Variants in SHLD2 observed in about 807,000 individuals in gnomAD.
SHLD2 encodes the protein RINN1-REV7-interacting novel NHEJ regulator 2.
SHLD2 carries 30 observed loss-of-function variants against 73.2 expected under a neutral mutation model. The ratio of observed to expected loss-of-function variants is 0.41; its 90% confidence interval spans 0.31 to 0.56. The LOEUF is 0.56. SHLD2 is among the 20% of genes least tolerant of loss of function. SHLD2 has a pLI of 0.28. For synonymous variants in SHLD2, 285 were observed against 370.1 expected (o/e 0.77, Z 2.64); for missense variants, 745 against 1,055.9 (o/e 0.71, Z 4.08).
intron 2 of SHLD2, among the ~76,000 whole-genome samples, chr10:87,110,003 C>G (rs1842823495): frequency 6.6e-6 from 1 of 152,136 alleles, no homozygotes; most frequent in Non-Finnish European, 1.5e-5. Flanking sequence ...AATATTAAAT[C>G]TTGGCTGGGT....
At chr10:87,100,939 G>A (rs1220873545) in intron 2 of SHLD2, among the ~76,000 whole-genome samples, 1 of 152,142 alleles carries the variant, frequency 6.6e-6, no homozygotes, top group Non-Finnish European at 1.5e-5. Flanking sequence ...TGTTGAATCT[G>A]TAGATCAATT....
chr10:87,129,935 G>A (rs1192676650), intron 2 of SHLD2, among the ~76,000 whole-genome samples: 1 of 152,108 alleles, frequency 6.6e-6, no homozygotes, highest in Non-Finnish European at 1.5e-5. Flanking sequence ...GGACACTAAT[G>A]ATGGGGTATA....
At position 87,152,293 on chromosome 10, in the gene SHLD2, T is replaced by TG. The variant is rs1230818331; in HGVS notation, c.939_940insG (p.Ser314GlufsTer6). 6.7e-7 allele frequency: 1 copy of TG among 1,489,562 alleles called. No individual in the cohort carries two copies. The highest frequency in any genetic ancestry group is 9.2e-7 in the Non-Finnish European group (1 of 1,091,670). 92.3% of individuals were successfully genotyped at this position (1,489,562 alleles called of 1,614,324 possible). On this transcript the variant is annotated frameshift_variant, in exon 3 of 10. Coordinates refer to ENST00000298786, the MANE Select transcript of SHLD2 (RefSeq NM_001330112.2). LOFTEE classifies it high-confidence loss of function. Reference sequence around the variant, plus strand: ...ACCAAGCATATTCCCTTGAACTTTTTAGTCCTGTTTGTCCTAAAACAGAAA... The same window carrying TG: ...ACCAAGCATATTCCCTTGAACTTTTTGAGTCCTGTTTGTCCTAAAACAGAAA...
intron 2 of SHLD2, among the ~76,000 whole-genome samples, chr10:87,124,746 G>GTTTT (rs201784628): frequency 3.9e-5 from 5 of 129,496 alleles, no homozygotes; most frequent in South Asian, 2.5e-4. Context: ...TAAAAAAATT[G>GTTTT]TTTTTTTTTT....
At chr10:87,121,868 G>A (rs1218625436) in intron 2 of SHLD2, among the ~76,000 whole-genome samples, 2 of 150,806 alleles carry the variant, frequency 1.3e-5, no homozygotes, top group South Asian at 2.1e-4. Context: ...AGGTTCAAGC[G>A]ATTCTTCCAC....
At position 87,151,846 on chromosome 10, in the gene SHLD2, C is replaced by T; in HGVS notation, c.492C>T (p.Asn164=). The part of the protein sequence containing the change: ...HQPDICGKNF[N]TNLFQLGHKC... ...CAGATATATGTGGTAAGAACTTTAA[C>T]ACAAATTTGTTTCAGTTGGGCCATA... is the stretch of plus-strand genomic sequence containing the variant. The change falls in exon 3 of 10, where the codon AAC becomes AAT. Residue 164 remains asparagine, a synonymous_variant. Coordinates refer to ENST00000298786, the MANE Select transcript of SHLD2 (RefSeq NM_001330112.2). The T allele has an allele frequency of 6.2e-7, 1 of 1,611,630 alleles. No individual in the cohort carries two copies. Among genetic ancestry groups the T allele is most frequent in the Non-Finnish European group, 8.5e-7 (1 of 1,179,664 alleles).
At chr10:87,179,935 T>A in intron 7 of SHLD2, 140 bp from the exon 8 acceptor site, 1 of 689,374 alleles carries the variant, frequency 1.5e-6, no homozygotes, top group Non-Finnish European at 2.5e-6. Context: ...AGGAAAATAG[T>A]AAAGAAGACG....
At chr10:87,098,888 A>ACCTCAG (rs1842082784) in intron 2 of SHLD2, among the ~76,000 whole-genome samples, 1 of 151,900 alleles carries the variant, frequency 6.6e-6, no homozygotes, top group South Asian at 2.1e-4. Flanking sequence ...CAATCCTCCC[A>ACCTCAG]CCTCAGCCTC....
chr10:87,158,207 A>G (rs531648617), intron 4 of SHLD2, 52 bp downstream of exon 4: 37 of 1,559,918 alleles, frequency 2.4e-5, no homozygotes, highest in Middle Eastern at 4.6e-4. Flanking sequence ...GTATAAAAAC[A>G]TACTAGGAAA....
In SHLD2 at chr10:87,152,819, T is replaced by C. The variant is rs1348558682; in HGVS notation, c.1465T>C (p.Trp489Arg). ...QSETKKKVFL[W>R]RTAAFWAFTV... is the part of the protein sequence containing the mutation. Reference sequence around the variant, plus strand: ...AGAAACTAAGAAGAAGGTTTTTCTGTGGAGGACTGCAGCATTTTGGGCATT... The same window carrying C: ...AGAAACTAAGAAGAAGGTTTTTCTGCGGAGGACTGCAGCATTTTGGGCATT... The change falls in exon 3 of 10, where the codon TGG becomes CGG. Residue 489 changes from tryptophan to arginine, a missense_variant. By Grantham distance (101) the Trp-to-Arg change is moderately radical. Coordinates refer to ENST00000298786, the MANE Select transcript of SHLD2 (RefSeq NM_001330112.2). 1 of 1,611,752 alleles carries C rather than the reference T, an allele frequency of 6.2e-7. No individual in the cohort carries two copies. The highest frequency in any genetic ancestry group is 1.7e-5 in the Admixed American group (1 of 59,950).
intron 2 of SHLD2, among the ~76,000 whole-genome samples, chr10:87,102,855 G>A (rs1347553464): frequency 6.6e-6 from 1 of 152,046 alleles, no homozygotes; most frequent in African/African-American, 2.4e-5. Flanking sequence ...ATTTAAACAA[G>A]GACTTTTTTT....
At chr10:87,155,744 A>G (rs1055968996) in intron 3 of SHLD2, among the ~76,000 whole-genome samples, 3 of 152,052 alleles carry the variant, frequency 2.0e-5, no homozygotes, top group African/African-American at 7.2e-5. Flanking sequence ...ATTTTTTCCT[A>G]ACATCTCTAT....
At chr10:87,160,147 C>T (rs1369554852) in intron 4 of SHLD2, among the ~76,000 whole-genome samples, 2 of 151,688 alleles carry the variant, frequency 1.3e-5, no homozygotes, top group East Asian at 3.9e-4. Context: ...TTGTATAATA[C>T]TGTTAACTAG....
At chr10:87,150,657 G>C (rs1845947439) in intron 2 of SHLD2, among the ~76,000 whole-genome samples, 1 of 151,492 alleles carries the variant, frequency 6.6e-6, no homozygotes, top group Non-Finnish European at 1.5e-5. Context: ...CTAATCAGGG[G>C]GCTGAAGCAG....
intron 7 of SHLD2, among the ~76,000 whole-genome samples, chr10:87,177,749 G>T (rs1848035700): frequency 6.6e-6 from 1 of 152,022 alleles, no homozygotes; most frequent in South Asian, 2.1e-4. Context: ...CTAGGCCTGA[G>T]TCCTTGTAAA....
intron 6 of SHLD2, among the ~76,000 whole-genome samples, chr10:87,175,185 TG>T (rs376603338): frequency 1.3e-3 from 199 of 152,206 alleles, no homozygotes; most frequent in African/African-American, 4.6e-3. Context: ...AAATGCTTTT[TG>T]TTCTAGAAAA....
intron 2 of SHLD2, among the ~76,000 whole-genome samples, chr10:87,125,623 G>A (rs1277805059): frequency 1.3e-5 from 2 of 150,884 alleles, no homozygotes; most frequent in African/African-American, 4.9e-5. Context: ...TGTCATCCCA[G>A]CTACTGGGGA....
intron 2 of SHLD2, among the ~76,000 whole-genome samples, chr10:87,146,097 G>T (rs1346164402): frequency 6.6e-6 from 1 of 151,974 alleles, no homozygotes; most frequent in African/African-American, 2.4e-5. Flanking sequence ...ACTATTTTTT[G>T]ATTTAATAGG....
chr10:87,151,580 C>T lies in SHLD2; in HGVS notation c.226C>T (p.His76Tyr), dbSNP rs755350958. 6.2e-6 allele frequency: 10 copies of T among 1,611,432 alleles called. No individual in the cohort carries two copies. The highest frequency in any genetic ancestry group is 7.6e-6 in the Non-Finnish European group (9 of 1,179,560). ...ESIGSPDLSG[H>Y]FLANCMNRHV... ...TATTGGTTCTCCAGATCTTAGTGGT[C>T]ATTTCTTAGCAAACTGTATGAATAG... is the stretch of plus-strand genomic sequence containing the variant. The change falls in exon 3 of 10, where the codon CAT becomes TAT. Residue 76 changes from histidine to tyrosine, a missense_variant. Coordinates refer to ENST00000298786, the MANE Select transcript of SHLD2 (RefSeq NM_001330112.2).
Sources: gnomAD v4.1 joint callset for allele counts (sites outside exome capture counted in the v4.1 genomes callset) on GRCh38, gnomAD v4.1.1 for gene constraint, MANE v1.5 for transcripts, NCBI Gene and HGNC (gene_info 2026-07-23, HGNC 2026-07-21) for gene names.